BRCA1: variants seen among roughly 807,000 people sequenced by gnomAD.
BRCA1 encodes breast cancer type 1 susceptibility protein.
BRCA1 carries 140 observed loss-of-function variants against 173.7 expected under a neutral mutation model. That is an observed-to-expected ratio of 0.81 (90% confidence interval 0.70 to 0.93). The LOEUF (loss-of-function observed/expected upper bound fraction) is 0.93. BRCA1 is among the 40% of genes least tolerant of loss of function. The pLI is 0.00. For missense variants in BRCA1, 1,983 were observed against 2,172.5 expected (o/e 0.91, Z 1.73); for synonymous variants, 662 against 756.0 (o/e 0.88, Z 2.04).
At chr17:43,064,827 A>ATTTT (rs60879064) in intron 16 of BRCA1, among the ~76,000 whole-genome samples, 2 of 106,678 alleles carry the variant, frequency 1.9e-5, no homozygotes, top group Non-Finnish European at 3.6e-5. Flanking sequence ...TTTGATTTGC[A>ATTTT]TTTTTTTTTT....
chr17:43,046,587 A>G (rs1418863666), intron 22 of BRCA1, among the ~76,000 whole-genome samples: 1 of 151,572 alleles, frequency 6.6e-6, no homozygotes, highest in Non-Finnish European at 1.5e-5. Context: ...TTTTTAGTAG[A>G]GATGGGGTTT....
chr17:43,062,195 G>C (rs1238622842), intron 18 of BRCA1, among the ~76,000 whole-genome samples: 2 of 76,256 alleles, frequency 2.6e-5, no homozygotes, highest in Non-Finnish European at 6.6e-5. Context: ...CTGGGCTCAA[G>C]TGATTCTTCT....
intron 8 of BRCA1, among the ~76,000 whole-genome samples, chr17:43,096,954 GA>G (rs2054163955): frequency 6.6e-6 from 1 of 152,126 alleles, no homozygotes; most frequent in African/African-American, 2.4e-5. Flanking sequence ...CCAATACCAT[GA>G]TTCTAGTCTG....
chr17:43,166,382 T>C (rs1219664069), intron 1 of BRCA1: 1 of 152,262 alleles, frequency 6.6e-6, no homozygotes, highest in African/African-American at 2.4e-5. Flanking sequence ...GGAACTGGTC[T>C]GGGTTCCTTG....
At chr17:43,083,874 A>T (rs564119849) in intron 11 of BRCA1, among the ~76,000 whole-genome samples, 64 of 151,826 alleles carry the variant, frequency 4.2e-4, no homozygotes, top group Middle Eastern at 3.4e-3. Context: ...TTATTTATTT[A>T]TTTTTTTTGA....
In BRCA1 at chr17:43,074,356, T is replaced by A. The variant is rs876658608; in HGVS notation, c.4650A>T (p.Thr1550=). 1 of 1,613,956 alleles carries A rather than the reference T, an allele frequency of 6.2e-7. No individual in the cohort carries two copies. The highest frequency in any genetic ancestry group is 8.5e-7 in the Non-Finnish European group (1 of 1,179,956). Residue 1550 remains threonine (T), a synonymous_variant, in exon 14 of 23, where the codon ACA becomes ACT. Coordinates refer to ENST00000357654, the MANE Select transcript of BRCA1 (RefSeq NM_007294.4). ...CTAGATCTTGCCTTGGCAAGTAAGA[T>A]GTTTCCGTCAAATCGTGTGGCCCAG... is the stretch of plus-strand genomic sequence containing the variant. ...EESGPHDLTE[T]SYLPRQDLEG... is the part of the protein sequence containing the mutation.
At chr17:43,063,418 G>A (rs776018348) in intron 17 of BRCA1, 45 bp from the exon 18 acceptor site, 3 of 1,529,428 alleles carry the variant, frequency 2.0e-6, no homozygotes, top group Middle Eastern at 1.7e-4. Context: ...GCAGAAGAAC[G>A]TGCTCTTTTC....
intron 1 of BRCA1, among the ~76,000 whole-genome samples, chr17:43,154,344 C>T (rs1377002585): frequency 3.3e-5 from 5 of 151,928 alleles, no homozygotes; most frequent in Admixed American, 2.0e-4. Context: ...ACTAACTGGG[C>T]ATGGTGGCAG....
At chr17:43,096,901 T>C (rs2054162445) in intron 8 of BRCA1, among the ~76,000 whole-genome samples, 1 of 152,150 alleles carries the variant, frequency 6.6e-6, no homozygotes, top group South Asian at 2.1e-4. Context: ...TTTCCTCCAC[T>C]ATAAAATGAG....
chr17:43,084,835 G>A (rs2053165562), intron 11 of BRCA1, among the ~76,000 whole-genome samples: 1 of 152,152 alleles, frequency 6.6e-6, no homozygotes, highest in South Asian at 2.1e-4. Flanking sequence ...TGGAATGAAA[G>A]CACATAGATA....
intron 15 of BRCA1, among the ~76,000 whole-genome samples, chr17:43,069,085 T>C (rs1322901487): frequency 6.6e-6 from 1 of 152,214 alleles, no homozygotes; most frequent in Non-Finnish European, 1.5e-5. Context: ...GGTCAGGCCA[T>C]CTTTCTTTCA....
intron 14 of BRCA1, among the ~76,000 whole-genome samples, chr17:43,071,606 C>G (rs1302748327): frequency 6.6e-6 from 1 of 152,074 alleles, no homozygotes; most frequent in Admixed American, 6.5e-5. Flanking sequence ...GTACTCTTCA[C>G]CCATTAATTT....
intron 4 of BRCA1, 122 bp downstream of exon 4, chr17:43,106,334 C>A: frequency 3.0e-6 from 2 of 666,122 alleles, no homozygotes; most frequent in East Asian, 2.9e-5. Context: ...TTACTGTGTG[C>A]TAAAAACTCT....
At chr17:43,077,625 C>G (rs189678812) in intron 12 of BRCA1, among the ~76,000 whole-genome samples, 1 of 152,228 alleles carries the variant, frequency 6.6e-6, no homozygotes, top group East Asian at 1.9e-4. Context: ...TGAGCCACTG[C>G]GCCCAGCCTA....
chr17:43,127,996 C>T (rs2055928783), upstream of BRCA1, among the ~76,000 whole-genome samples: 1 of 142,408 alleles, frequency 7.0e-6, no homozygotes, highest in Non-Finnish European at 1.5e-5. Context: ...TGCATTCCAG[C>T]CTGGGTGACA....
chr17:43,163,994 C>G (rs970676809), intron 1 of BRCA1: 4 of 152,214 alleles, frequency 2.6e-5, no homozygotes, highest in Admixed American at 2.6e-4. Context: ...CACATCTGGT[C>G]GACTGGAGGA....
intron 11 of BRCA1, among the ~76,000 whole-genome samples, chr17:43,088,772 G>A (rs1479297275): frequency 6.6e-6 from 1 of 152,104 alleles, no homozygotes; most frequent in Non-Finnish European, 1.5e-5. Flanking sequence ...ATGTGCCTAC[G>A]GCAGGTCAGA....
Position 43,049,687 on chromosome 17 carries a change from G to T in BRCA1, c.5333-493C>A, listed in dbSNP as rs1198727747. On this transcript the variant is annotated intron_variant, in intron 20 of 22. Coordinates refer to ENST00000357654, the MANE Select transcript of BRCA1 (RefSeq NM_007294.4). Reference sequence around the variant, plus strand: ...CAGTCAAAAAAATACATGTTATCCTGGTTAGAGACTCAGCAGGGAAAGGCT... The same window carrying T: ...CAGTCAAAAAAATACATGTTATCCTTGTTAGAGACTCAGCAGGGAAAGGCT... Among the ~76,000 whole-genome samples, 3 of 152,244 alleles carry T rather than the reference G, an allele frequency of 2.0e-5. No homozygotes were observed. In the East Asian group the frequency reaches 5.8e-4, roughly 29 times the overall value.
chr17:43,145,270 A>C, intron 1 of BRCA1: 1 of 658,232 alleles, frequency 1.5e-6, no homozygotes. Context: ...ACCATAGACC[A>C]TGTCTTATCA....
Sources: gnomAD v4.1 joint callset for allele counts (sites outside exome capture counted in the v4.1 genomes callset) on GRCh38, gnomAD v4.1.1 for gene constraint, MANE v1.5 for transcripts, NCBI Gene and HGNC (gene_info 2026-07-23, HGNC 2026-07-21) for gene names.